The following RIPOR3 variants were observed in gnomAD, a reference collection of about 807,000 sequenced individuals.
RIPOR3 encodes RIPOR family member 3.
RIPOR3 carries 95 observed loss-of-function variants against 114.3 expected under a neutral mutation model. The observed-to-expected ratio is 0.83, with a 90% CI of 0.70 to 0.99. The LOEUF (loss-of-function observed/expected upper bound fraction) is 0.99, where lower values mean the gene tolerates loss of function less well. Ranked by LOEUF, RIPOR3 falls within the 50% of genes least tolerant of loss-of-function variation. RIPOR3 has a pLI of 0.00. For synonymous variants in RIPOR3, 575 were observed against 543.8 expected (o/e 1.06, Z -0.80); for missense variants, 1,252 against 1,266.9 (o/e 0.99, Z 0.18).
chr20:50,671,370 C>A (rs1438651170), intron 1 of RIPOR3, among the ~76,000 whole-genome samples: 4 of 152,096 alleles, frequency 2.6e-5, no homozygotes, highest in Non-Finnish European at 5.9e-5. Flanking sequence ...AAGACAGTGA[C>A]TTCCACCTTT....
intron 1 of RIPOR3, among the ~76,000 whole-genome samples, chr20:50,636,008 A>G (rs1352748834): frequency 6.6e-6 from 1 of 152,240 alleles, no homozygotes; most frequent in African/African-American, 2.4e-5. Context: ...AGGGTGTTGC[A>G]GCCCCAGCCC....
intron 1 of RIPOR3, among the ~76,000 whole-genome samples, chr20:50,637,073 C>T (rs1264708421): frequency 6.6e-6 from 1 of 152,200 alleles, no homozygotes; most frequent in East Asian, 1.9e-4. Flanking sequence ...ACACAGAAGA[C>T]AGACAGGCGC....
chr20:50,630,589 C>G (rs1018182247), intron 2 of RIPOR3, 149 bp downstream of exon 2: 8 of 607,246 alleles, frequency 1.3e-5, no homozygotes, highest in East Asian at 2.8e-5. Context: ...CTCTCTCTCT[C>G]TCTCTCTCTC....
chr20:50,637,694 G>A (rs912983327), intron 1 of RIPOR3, among the ~76,000 whole-genome samples: 1 of 152,022 alleles, frequency 6.6e-6, no homozygotes, highest in Non-Finnish European at 1.5e-5. Context: ...GGCCAACATG[G>A]TGAAACCCCA....
intron 1 of RIPOR3, chr20:50,653,919 T>G (rs1314485583): frequency 6.6e-6 from 1 of 152,162 alleles, no homozygotes; most frequent in Non-Finnish European, 1.5e-5. Flanking sequence ...TCACTGTTAT[T>G]TAATGCGCTC....
At chr20:50,647,783 CCTCATT>C (rs2085466100) in intron 1 of RIPOR3, among the ~76,000 whole-genome samples, 1 of 151,860 alleles carries the variant, frequency 6.6e-6, no homozygotes, top group Non-Finnish European at 1.5e-5. Context: ...CACCCGGCCA[CCTCATT>C]CTCACTATGT....
Position 50,616,093 on chromosome 20 carries a change from C to G in RIPOR3, c.270-13G>C. Reference sequence around the variant, plus strand: ...ACACAGATACTCCCTGCAAGGAAAGCAAGGAAGAGTTTCAAATGGAAGAGG... The same window carrying G: ...ACACAGATACTCCCTGCAAGGAAAGGAAGGAAGAGTTTCAAATGGAAGAGG... On this transcript the variant is annotated splice_polypyrimidine_tract_variant and intron_variant, in intron 3 of 21. Transcript: ENST00000327979. 1 of 1,608,712 alleles carries G rather than the reference C, an allele frequency of 6.2e-7. No homozygotes were observed.
chr20:50,617,628 CTTTTTT>C (rs71190578), intron 3 of RIPOR3, among the ~76,000 whole-genome samples: 1 of 110,442 alleles, frequency 9.1e-6, no homozygotes, highest in Admixed American at 9.4e-5. Flanking sequence ...GGTGGTTTCC[CTTTTTT>C]TTTTTTTTTT....
At chr20:50,674,993 G>C (rs1418860555) in intron 1 of RIPOR3, among the ~76,000 whole-genome samples, 1 of 152,042 alleles carries the variant, frequency 6.6e-6, no homozygotes, top group Non-Finnish European at 1.5e-5. Flanking sequence ...TGGGAGGATT[G>C]CTTGAGCCCA....
chr20:50,689,629 C>T lies in RIPOR3; in HGVS notation c.3+1497G>A, dbSNP rs558640007. On this transcript the variant is annotated intron_variant, in intron 1 of 21. Transcript: ENST00000327979. ...TGAAATAGTCCCTTTGTTTTAAAGA[C>T]GAGGAAGCTGAGAGAAGGGAAGTGA... Among the ~76,000 whole-genome samples, 12 of 152,186 alleles carry T rather than the reference C, an allele frequency of 7.9e-5. No homozygotes were observed. The South Asian group carries it at 1.0e-3, about 13-fold the overall frequency.
chr20:50,645,508 T>G (rs969197522), intron 1 of RIPOR3: 1 of 151,684 alleles, frequency 6.6e-6, no homozygotes, highest in Non-Finnish European at 1.5e-5. Flanking sequence ...GCGAGTGAGG[T>G]GAATGGGGAC....
Position 50,594,717 on chromosome 20 carries a change from G to A in RIPOR3, c.2051-3C>T. 6.2e-7 allele frequency: 1 copy of A among 1,607,314 alleles called. No homozygotes were observed. Among genetic ancestry groups the A allele is most frequent in the Non-Finnish European group, 8.5e-7 (1 of 1,175,238 alleles). ...CGTCCGCGAGGCCTGTGGGATGACT[G>A]AAAGCCCCAGTTCAGAAACCTGAAT... On this transcript the variant is annotated splice_region_variant and splice_polypyrimidine_tract_variant and intron_variant, in intron 16 of 21. Coordinates refer to ENST00000327979, the MANE Select transcript of RIPOR3 (RefSeq NM_001290268.2).
chr20:50,618,536 T>C lies in RIPOR3; in HGVS notation c.269+1450A>G, dbSNP rs555057498. On this transcript the variant is annotated intron_variant, in intron 3 of 21. Coordinates refer to ENST00000327979, the MANE Select transcript of RIPOR3 (RefSeq NM_001290268.2). ...TTTCCCCTTCAGGAGTGTGCTCCAA[T>C]GTCACCTTCTTAGCAAGGCCTTCCT... is the stretch of plus-strand genomic sequence containing the variant. Among the ~76,000 whole-genome samples, 14 of 152,218 alleles carry C rather than the reference T, an allele frequency of 9.2e-5. 1 individual carries two copies. The South Asian group carries it at 2.9e-3, about 32-fold the overall frequency.
intron 1 of RIPOR3, among the ~76,000 whole-genome samples, chr20:50,679,620 T>G (rs537099367): frequency 0.021 from 1,609 of 78,028 alleles, 15 homozygotes; most frequent in South Asian, 0.046. Flanking sequence ...AAAAAAAAAA[T>G]TAGCCGGGCG....
intron 1 of RIPOR3, among the ~76,000 whole-genome samples, chr20:50,658,928 A>G (rs2085904614): frequency 6.6e-6 from 1 of 152,136 alleles, no homozygotes; most frequent in African/African-American, 2.4e-5. Flanking sequence ...TAAAGGGGAA[A>G]TACAATCAAG....
At position 50,595,521 on chromosome 20, in the gene RIPOR3, A is replaced by G. The variant is rs764716074; in HGVS notation, c.1915-17T>C. 6.2e-7 allele frequency: 1 copy of G among 1,613,294 alleles called. No homozygotes were observed. Among genetic ancestry groups the G allele is most frequent in the Admixed American group, 1.7e-5 (1 of 60,006 alleles). On this transcript the variant is annotated splice_polypyrimidine_tract_variant and intron_variant, in intron 15 of 21. Coordinates refer to ENST00000327979, the MANE Select transcript of RIPOR3 (RefSeq NM_001290268.2). ...GGCCAGTTTCTGGGAAGCAGCCCAG[A>G]TGCTCCAGATTAGCATGGAACATGC...
intron 1 of RIPOR3, among the ~76,000 whole-genome samples, chr20:50,632,506 G>A (rs573074470): frequency 2.0e-5 from 3 of 152,324 alleles, no homozygotes; most frequent in South Asian, 2.1e-4. Flanking sequence ...CTTCTAGCCC[G>A]GATGGAGGAA....
chr20:50,595,234 C>T, intron 16 of RIPOR3, 135 bp downstream of exon 16: 1 of 1,208,424 alleles, frequency 8.3e-7, no homozygotes, highest in East Asian at 2.3e-5. Flanking sequence ...ATCTCTGAGC[C>T]CAGCCCAGCC....
At chr20:50,680,243 A>G (rs1172941674) in intron 1 of RIPOR3, among the ~76,000 whole-genome samples, 1 of 152,180 alleles carries the variant, frequency 6.6e-6, no homozygotes, top group East Asian at 1.9e-4. Flanking sequence ...TCTACAGTCA[A>G]TTACGGCCAG....
Sources: gnomAD v4.1 joint callset for allele counts (sites outside exome capture counted in the v4.1 genomes callset) on GRCh38, gnomAD v4.1.1 for gene constraint, MANE v1.5 for transcripts, NCBI Gene and HGNC (gene_info 2026-07-23, HGNC 2026-07-21) for gene names.